Variants in ETF1 observed in about 807,000 individuals in gnomAD.
ETF1 encodes the protein eukaryotic peptide chain release factor subunit 1.
ETF1 carries 4 observed loss-of-function variants against 55.1 expected under a neutral mutation model. That is an observed-to-expected ratio of 0.07 (90% CI 0.04 to 0.17). The LOEUF is 0.17. ETF1 is among the 10% of genes least tolerant of loss of function. The probability of loss-of-function intolerance (pLI) is 1.00; values close to 1 mark genes in which losing one functional copy is unlikely to be tolerated. For synonymous variants in ETF1, 157 were observed against 182.3 expected, an observed-to-expected ratio of 0.86 and a Z score of 1.12; for missense variants, 142 against 523.6, an observed-to-expected ratio of 0.27 and a Z score of 7.11.
intron 6 of ETF1, among the ~76,000 whole-genome samples, chr5:138,512,240 ATATATATATATATATATATTTTTTTTT>A (rs1372978987): frequency 1.4e-3 from 8 of 5,884 alleles, no homozygotes; most frequent in East Asian, 0.031. Context: ...ATATATATAT[ATATATATATATATATATATTTTTTTTT>A]TTTTTTAAAG....
At chr5:138,535,874 CAAAAAAAA>C (rs35261297) in intron 2 of ETF1, among the ~76,000 whole-genome samples, 1 of 57,836 alleles carries the variant, frequency 1.7e-5, no homozygotes, top group Non-Finnish European at 2.8e-5. Flanking sequence ...GACTCCGCCT[CAAAAAAAA>C]AAAAAAAAAA....
At chr5:138,533,668 G>C (rs548020692) in intron 2 of ETF1, among the ~76,000 whole-genome samples, 3 of 152,242 alleles carry the variant, frequency 2.0e-5, no homozygotes, top group South Asian at 2.1e-4. Context: ...CCTGGAGACA[G>C]AGCAAGACTC....
intron 2 of ETF1, among the ~76,000 whole-genome samples, chr5:138,537,597 A>T (rs1242315741): frequency 1.3e-5 from 2 of 151,650 alleles, no homozygotes; most frequent in African/African-American, 2.4e-5. Context: ...TGTTATTATT[A>T]TTTTTTTTGA....
At chr5:138,539,838 A>T (rs911051592) in intron 2 of ETF1, among the ~76,000 whole-genome samples, 1 of 152,232 alleles carries the variant, frequency 6.6e-6, no homozygotes, top group African/African-American at 2.4e-5. Flanking sequence ...TATACCCATT[A>T]TAGCACATTG....
chr5:138,509,641 T>A (rs555882776), intron 9 of ETF1, among the ~76,000 whole-genome samples: 1 of 152,144 alleles, frequency 6.6e-6, no homozygotes, highest in South Asian at 2.1e-4. Context: ...ACGCCTGTAA[T>A]CCCAGCATTT....
chr5:138,510,534 G>A (rs754972400), intron 9 of ETF1, 31 bp downstream of exon 9: 13 of 1,534,020 alleles, frequency 8.5e-6, no homozygotes, highest in Admixed American at 1.7e-5. Flanking sequence ...ACGCTTGCAC[G>A]TATCATCAAA....
intron 2 of ETF1, among the ~76,000 whole-genome samples, chr5:138,538,928 T>C: frequency 6.6e-6 from 1 of 152,240 alleles, no homozygotes; most frequent in East Asian, 1.9e-4. Context: ...GTGGGGATTC[T>C]TTAAAAATGG....
intron 8 of ETF1, 96 bp from the exon 9 acceptor site, chr5:138,510,725 G>A: frequency 6.7e-7 from 1 of 1,496,554 alleles, no homozygotes. Context: ...AAGGGCTCAG[G>A]GACTCAATCT....
At chr5:138,519,211 T>A in intron 2 of ETF1, 1 of 984,804 alleles carries the variant, frequency 1.0e-6, no homozygotes. Flanking sequence ...AATCTGTCCG[T>A]GGGAGAGCCT....
At chr5:138,525,919 T>C (rs1005515311) in intron 2 of ETF1, among the ~76,000 whole-genome samples, 2 of 137,994 alleles carry the variant, frequency 1.4e-5, no homozygotes, top group Admixed American at 8.1e-5. Context: ...CACTTCAGTC[T>C]GGGCAACAGA....
At chr5:138,542,525 C>T in intron 2 of ETF1, 3 of 919,350 alleles carry the variant, frequency 3.3e-6, no homozygotes, top group Non-Finnish European at 4.4e-6. Flanking sequence ...GCACCTGGAG[C>T]CCGAAGAGGG....
chr5:138,519,029 T>C, intron 2 of ETF1, 162 bp from the exon 3 acceptor site: 1 of 982,820 alleles, frequency 1.0e-6, no homozygotes, highest in African/African-American at 1.7e-5. Context: ...TTTATGAACG[T>C]ATACACAGAG....
rs553992848 is a variant in ETF1, at chr5:138,520,553, C to G, written c.87-1686G>C. On this transcript the variant is annotated intron_variant, in intron 2 of 10. Transcript: ENST00000360541. ...TCTATGCAAAGCAAACACAGTGGCTCACACCTGTAATCCCAGCACTTTGGG... is the reference window on the plus strand; with the variant it reads ...TCTATGCAAAGCAAACACAGTGGCTGACACCTGTAATCCCAGCACTTTGGG... Among the ~76,000 whole-genome samples the G allele has an allele frequency of 2.0e-5, 3 of 152,298 alleles. No individual in the cohort carries two copies. The South Asian group carries it at 6.2e-4, about 32-fold the overall frequency.
chr5:138,541,443 G>A (rs1766168851), intron 2 of ETF1: 1 of 1,070,756 alleles, frequency 9.3e-7, no homozygotes. Context: ...CACTGAATGG[G>A]GCCAAACTTT....
chr5:138,531,699 A>G (rs2127117387), intron 2 of ETF1, among the ~76,000 whole-genome samples: 1 of 152,186 alleles, frequency 6.6e-6, no homozygotes, highest in East Asian at 1.9e-4. Flanking sequence ...CAAATTTTTC[A>G]CCACTTCCCT....
At chr5:138,539,492 G>A (rs1437260987) in intron 2 of ETF1, among the ~76,000 whole-genome samples, 1 of 152,116 alleles carries the variant, frequency 6.6e-6, no homozygotes, top group Non-Finnish European at 1.5e-5. Flanking sequence ...TCATGAACAG[G>A]GAAGAACTAC....
chr5:138,525,317 C>T (rs1229093488), intron 2 of ETF1, among the ~76,000 whole-genome samples: 3 of 152,000 alleles, frequency 2.0e-5, no homozygotes, highest in Non-Finnish European at 4.4e-5. Context: ...GCCACCACGC[C>T]TGGCTAATTT....
At chr5:138,542,494 T>A (rs1222004325) in intron 2 of ETF1, 1 of 525,476 alleles carries the variant, frequency 1.9e-6, no homozygotes, top group Non-Finnish European at 3.0e-6. Context: ...TTTGCCACAA[T>A]AGCACCCGAG....
At chr5:138,517,062 A>G (rs76356838) in intron 4 of ETF1, among the ~76,000 whole-genome samples, 5,558 of 152,248 alleles carry the variant, frequency 0.037, 307 homozygotes, top group African/African-American at 0.12. Flanking sequence ...GCCACAAACT[A>G]TATGATTCCA....
Sources: allele counts gnomAD v4.1 joint callset (sites outside exome capture counted in the v4.1 genomes callset), GRCh38; gene constraint gnomAD v4.1.1; transcripts MANE v1.5; gene names NCBI Gene and HGNC (gene_info 2026-07-23, HGNC 2026-07-21).